Variants in TRAP1 observed in about 807,000 individuals in gnomAD.
TRAP1 encodes heat shock protein 75 kDa, mitochondrial.
TRAP1 carries 102 observed loss-of-function variants against 89.1 expected under a neutral mutation model. The observed-to-expected ratio is 1.15, with a 90% CI of 0.98 to 1.35. TRAP1 has a LOEUF of 1.35. Ranked by LOEUF, TRAP1 falls within the 40% of genes most tolerant of loss-of-function variation. TRAP1 has a pLI of 0.00. For synonymous variants in TRAP1, 508 were observed against 388.0 expected (o/e 1.31, Z -3.64); for missense variants, 1,256 against 945.3 (o/e 1.33, Z -4.31).
At chr16:3,659,948 AACTCCT>A (rs2042976196) in intron 16 of TRAP1, 1 of 152,078 alleles carries the variant, frequency 6.6e-6, no homozygotes, top group Non-Finnish European at 1.5e-5. Context: ...TGAGGTCTCG[AACTCCT>A]GACCTCAAGT....
At chr16:3,669,848 A>G (rs2050887814) in intron 11 of TRAP1, among the ~76,000 whole-genome samples, 1 of 148,890 alleles carries the variant, frequency 6.7e-6, no homozygotes, top group Middle Eastern at 3.2e-3. Flanking sequence ...AAAAAAAAAA[A>G]AAAAAAAAAA....
intron 16 of TRAP1, chr16:3,659,964 TGATCCACCC>T (rs1197479694): frequency 6.6e-6 from 1 of 152,172 alleles, no homozygotes; most frequent in Non-Finnish European, 1.5e-5. Context: ...TGACCTCAAG[TGATCCACCC>T]GCCTAGGCCT....
chr16:3,709,426 T>C (rs1280389183), intron 1 of TRAP1, among the ~76,000 whole-genome samples: 1 of 152,164 alleles, frequency 6.6e-6, no homozygotes. Context: ...ATTCTAGCAC[T>C]GGTGAAGGTG....
At chr16:3,694,077 G>A (rs1369491782) in intron 1 of TRAP1, among the ~76,000 whole-genome samples, 2 of 150,894 alleles carry the variant, frequency 1.3e-5, no homozygotes, top group Admixed American at 1.3e-4. Context: ...AGTCCATCCC[G>A]CACCTCTCCC....
intron 1 of TRAP1, among the ~76,000 whole-genome samples, chr16:3,695,083 T>C (rs2051268575): frequency 6.6e-6 from 1 of 152,188 alleles, no homozygotes; most frequent in Admixed American, 6.5e-5. Context: ...TGTCCCCATT[T>C]TATAAGGACA....
chr16:3,714,252 T>A (rs2051568774), intron 1 of TRAP1, among the ~76,000 whole-genome samples: 1 of 152,196 alleles, frequency 6.6e-6, no homozygotes, highest in Admixed American at 6.5e-5. Flanking sequence ...CAGGGTCACA[T>A]TTTCTTTGAC....
chr16:3,707,385 C>T (rs1194881393), intron 1 of TRAP1, among the ~76,000 whole-genome samples: 1 of 150,564 alleles, frequency 6.6e-6, no homozygotes, highest in African/African-American at 2.4e-5. Context: ...CGGGGTTTCA[C>T]CATGTTGGCC....
intron 1 of TRAP1, among the ~76,000 whole-genome samples, chr16:3,703,141 G>A (rs1328568331): frequency 6.9e-6 from 1 of 144,366 alleles, no homozygotes; most frequent in Non-Finnish European, 1.5e-5. Context: ...TAGAAAATAT[G>A]ACATAAGAGA....
Position 3,690,926 on chromosome 16 carries a change from C to T in TRAP1, c.148G>A (p.Ala50Thr), listed in dbSNP as rs144776256. Residue 50 changes from alanine (A) to threonine (T), a missense_variant, in exon 2 of 18, where the codon GCC (alanine) becomes ACC (threonine). Coordinates refer to ENST00000246957, the MANE Select transcript of TRAP1 (RefSeq NM_016292.3). ...TAQLGPRRNP[A>T]WSLQAGRLFS... The stretch of plus-strand genomic sequence containing the variant: ...AGTCGTCCTGCCTGCAAGCTCCAGG[C>T]TGGGTTTCGCCTGGGGCCCAACTGG... 2.5e-6 allele frequency: 4 copies of T among 1,590,830 alleles called. No homozygotes were observed. The African/African-American group carries it at 5.4e-5, about 22-fold the overall frequency.
At chr16:3,703,524 C>T in intron 1 of TRAP1, among the ~76,000 whole-genome samples, 1 of 151,922 alleles carries the variant, frequency 6.6e-6, no homozygotes, top group East Asian at 1.9e-4. Flanking sequence ...TACATGCATG[C>T]ATAGCTATTC....
Position 3,658,063 on chromosome 16 carries a change from A to C in TRAP1, c.*66T>G, listed in dbSNP as rs987986400. 40 of 1,608,300 alleles carry C rather than the reference A, an allele frequency of 2.5e-5. No homozygotes were observed. The highest frequency in any genetic ancestry group is 8.4e-5 in the Admixed American group (5 of 59,246). ...CGGGTTAAGAAATACCTTTAAATTTAGGTAAATAAAGCTCAAGGAGGTGGG... is the reference window on the plus strand; with the variant it reads ...CGGGTTAAGAAATACCTTTAAATTTCGGTAAATAAAGCTCAAGGAGGTGGG... On this transcript the variant is annotated 3_prime_UTR_variant, in exon 18 of 18. Coordinates refer to ENST00000246957, the MANE Select transcript of TRAP1 (RefSeq NM_016292.3).
rs1434829836 is a variant in TRAP1 at position 3,666,246 on chromosome 16, G to A, written c.1236-128C>T. 4 of 1,205,922 alleles carry A rather than the reference G, an allele frequency of 3.3e-6. No homozygotes were observed. In the African/African-American group the frequency reaches 4.7e-5, roughly 14 times the overall value. 74.7% of individuals were successfully genotyped at this position (1,205,922 alleles called of 1,614,324 possible). A position where few individuals can be genotyped will look rare whatever the true frequency, so the allele number is the denominator to read the frequency against. Reference sequence around the variant, plus strand: ...TGAAAACAACAAGGTACCGTTATTGGCCAAACTGAAAAAGACTGAGCAGAA... The same window carrying A: ...TGAAAACAACAAGGTACCGTTATTGACCAAACTGAAAAAGACTGAGCAGAA... On this transcript the variant is annotated intron_variant, in intron 11 of 17. Transcript: ENST00000246957.
chr16:3,708,931 T>C (rs1254331941), intron 1 of TRAP1, among the ~76,000 whole-genome samples: 1 of 150,710 alleles, frequency 6.6e-6, no homozygotes, highest in Non-Finnish European at 1.5e-5. Flanking sequence ...TTCTCCTGCC[T>C]CAGCTTCCCA....
intron 1 of TRAP1, among the ~76,000 whole-genome samples, chr16:3,695,250 G>A (rs759394870): frequency 2.0e-5 from 3 of 152,160 alleles, no homozygotes; most frequent in Non-Finnish European, 2.9e-5. Context: ...ACCAGCATAT[G>A]TACAGAGAAT....
At chr16:3,707,815 C>G (rs2051470398) in intron 1 of TRAP1, among the ~76,000 whole-genome samples, 1 of 147,372 alleles carries the variant, frequency 6.8e-6, no homozygotes, top group African/African-American at 2.5e-5. Flanking sequence ...GATCGTGCCA[C>G]TGCACTCCAG....
chr16:3,664,785 C>T (rs1318899186), intron 12 of TRAP1: 4 of 285,572 alleles, frequency 1.4e-5, no homozygotes, highest in South Asian at 4.4e-5. Context: ...TCCCTCTGCC[C>T]TCAGTGACAG....
In TRAP1 at chr16:3,674,479, C is replaced by G. The variant is rs1367640202; in HGVS notation, c.904G>C (p.Asp302His). 1 of 1,613,944 alleles carries G rather than the reference C, an allele frequency of 6.2e-7. No individual in the cohort carries two copies. The highest frequency in any genetic ancestry group is 1.1e-5 in the South Asian group (1 of 91,062). The change falls in exon 9 of 18, where the codon GAC (aspartate) becomes CAC (histidine). Residue 302 changes from aspartate to histidine, a missense_variant. Transcript: ENST00000246957. ...MNTLQAIWMMDPKDVREWQHE... is the reference protein window; with the variant it reads ...MNTLQAIWMMHPKDVREWQHE... Reference sequence around the variant, plus strand: ...TGCCACTCACGGACATCCTTGGGGTCCATCATCCAGATGGCCTGGAAACGG... The same window carrying G: ...TGCCACTCACGGACATCCTTGGGGTGCATCATCCAGATGGCCTGGAAACGG...
At chr16:3,675,226 C>G in intron 8 of TRAP1, 98 bp downstream of exon 8, 1 of 1,219,384 alleles carries the variant, frequency 8.2e-7, no homozygotes, top group South Asian at 1.3e-5. Context: ...CCCTGTGACT[C>G]TGGGCCGCAT....
intron 4 of TRAP1, among the ~76,000 whole-genome samples, chr16:3,684,349 C>T (rs149108728): frequency 4.1e-4 from 63 of 152,128 alleles, no homozygotes; most frequent in African/African-American, 1.2e-3. Context: ...TATTTTATTC[C>T]CTAGAAAATC....
Sources: allele counts gnomAD v4.1 joint callset (sites outside exome capture counted in the v4.1 genomes callset), GRCh38; gene constraint gnomAD v4.1.1; transcripts MANE v1.5; gene names NCBI Gene and HGNC (gene_info 2026-07-23, HGNC 2026-07-21).